The following TBC1D19 variants were observed in gnomAD, a reference collection of about 807,000 sequenced individuals.
TBC1D19 encodes TBC1 domain family member 19.
TBC1D19 carries 60 observed loss-of-function variants against 89.0 expected under a neutral mutation model. That is an observed-to-expected ratio of 0.67 (90% CI 0.55 to 0.84). The LOEUF (loss-of-function observed/expected upper bound fraction) is 0.84. Among genes scored for constraint, TBC1D19 ranks in the 40% least tolerant of loss-of-function variants. TBC1D19 has a pLI of 0.00. For missense variants in TBC1D19, 500 were observed against 610.8 expected (o/e 0.82, Z 1.91); for synonymous variants, 189 against 199.7 (o/e 0.95, Z 0.45).
the TBC1D19 span, among the ~76,000 whole-genome samples, chr4:26,810,464 T>C: frequency 1.3e-5 from 2 of 152,212 alleles, no homozygotes; most frequent in Non-Finnish European, 2.9e-5. Context: ...AGACCCTGTA[T>C]GATCAGGCCT....
intron 6 of TBC1D19, among the ~76,000 whole-genome samples, chr4:26,639,462 G>A (rs921897972): frequency 9.9e-5 from 15 of 152,052 alleles, no homozygotes; most frequent in Non-Finnish European, 4.4e-5. Context: ...GGTAAATATT[G>A]TGCAAGCTTA....
the TBC1D19 span, among the ~76,000 whole-genome samples, chr4:26,824,113 G>A: frequency 1.3e-5 from 2 of 152,234 alleles, no homozygotes; most frequent in Non-Finnish European, 2.9e-5. Flanking sequence ...AAGACAATTG[G>A]CTGGATTTGC....
chr4:26,708,562 C>G (rs1715907419), intron 13 of TBC1D19, among the ~76,000 whole-genome samples: 1 of 151,844 alleles, frequency 6.6e-6, no homozygotes, highest in African/African-American at 2.4e-5. Flanking sequence ...TTCTCTCTAC[C>G]CCTTCCTCAA....
the TBC1D19 span, among the ~76,000 whole-genome samples, chr4:26,854,730 T>TTTC: frequency 1.9e-4 from 4 of 21,196 alleles, no homozygotes; most frequent in East Asian, 5.4e-3. Context: ...TCCAGCCTTT[T>TTTC]TTTTTTTTTT....
intron 4 of TBC1D19, among the ~76,000 whole-genome samples, chr4:26,627,723 T>C (rs1742520439): frequency 6.6e-6 from 1 of 152,318 alleles, no homozygotes; most frequent in Non-Finnish European, 1.5e-5. Flanking sequence ...CTTCGCCCAC[T>C]TTTTGATGGG....
the TBC1D19 span, among the ~76,000 whole-genome samples, chr4:26,823,345 A>C: frequency 6.6e-6 from 1 of 152,202 alleles, no homozygotes; most frequent in African/African-American, 2.4e-5. Context: ...GATGCAGCCA[A>C]AACATATCTC....
intron 1 of TBC1D19, among the ~76,000 whole-genome samples, chr4:26,595,051 C>T (rs1740119316): frequency 6.6e-6 from 1 of 152,210 alleles, no homozygotes; most frequent in South Asian, 2.1e-4. Flanking sequence ...ATTTTGCATT[C>T]CCACCAGCAA....
chr4:26,821,768 C>T, the TBC1D19 span, among the ~76,000 whole-genome samples: 1 of 152,232 alleles, frequency 6.6e-6, no homozygotes, highest in African/African-American at 2.4e-5. Context: ...CTGGAAGTCC[C>T]TGTCCCTGTC....
chr4:26,640,449 C>G (rs367969177), intron 7 of TBC1D19, among the ~76,000 whole-genome samples: 40 of 152,230 alleles, frequency 2.6e-4, no homozygotes, highest in African/African-American at 9.6e-4. Context: ...CCAAGATGGC[C>G]GAATACGAAC....
At chr4:26,819,626 A>G in the TBC1D19 span, among the ~76,000 whole-genome samples, 2 of 152,190 alleles carry the variant, frequency 1.3e-5, no homozygotes, top group East Asian at 1.9e-4. Flanking sequence ...TCTGTGCTCA[A>G]CATTGTGACC....
At chr4:26,589,260 G>A (rs571441828) in intron 1 of TBC1D19, among the ~76,000 whole-genome samples, 22 of 152,164 alleles carry the variant, frequency 1.4e-4, no homozygotes, top group Non-Finnish European at 2.5e-4. Flanking sequence ...AGGGGACAGA[G>A]CGAGACTCCA....
At chr4:26,587,833 C>T (rs1198829644) in intron 1 of TBC1D19, among the ~76,000 whole-genome samples, 1 of 151,530 alleles carries the variant, frequency 6.6e-6, no homozygotes, top group Admixed American at 6.6e-5. Flanking sequence ...TATATGCAGG[C>T]CATTCAGGTT....
chr4:26,741,094 C>T (rs760085438), intron 17 of TBC1D19, among the ~76,000 whole-genome samples: 88 of 152,138 alleles, frequency 5.8e-4, no homozygotes, highest in Non-Finnish European at 1.0e-3. Flanking sequence ...TGGTGGCTCA[C>T]GCCTGTAATC....
intron 7 of TBC1D19, among the ~76,000 whole-genome samples, chr4:26,643,244 A>T (rs1374647013): frequency 1.3e-5 from 2 of 152,228 alleles, no homozygotes; most frequent in African/African-American, 4.8e-5. Flanking sequence ...ACCACAGTGC[A>T]ATCAAATTAG....
At chr4:26,785,695 CTG>C in the TBC1D19 span, among the ~76,000 whole-genome samples, 1 of 151,074 alleles carries the variant, frequency 6.6e-6, no homozygotes, top group Non-Finnish European at 1.5e-5. Context: ...CAGACGTACA[CTG>C]TGTGTGTGTG....
chr4:26,824,058 G>A, the TBC1D19 span, among the ~76,000 whole-genome samples: 1 of 152,170 alleles, frequency 6.6e-6, no homozygotes, highest in Non-Finnish European at 1.5e-5. Context: ...TCCCAAGATG[G>A]CCAGTATAAA....
chr4:26,759,614 C>T (rs1015112342), downstream of TBC1D19, among the ~76,000 whole-genome samples: 1 of 152,096 alleles, frequency 6.6e-6, no homozygotes, highest in African/African-American at 2.4e-5. Context: ...TGTGCCCCTC[C>T]CCATCCAATC....
chr4:26,774,109 C>T, the TBC1D19 span, among the ~76,000 whole-genome samples: 4 of 152,170 alleles, frequency 2.6e-5, no homozygotes, highest in African/African-American at 9.7e-5. Flanking sequence ...ACACCAGGAG[C>T]CTTTTGGGGG....
Position 26,584,303 on chromosome 4 carries a change from C to T in TBC1D19, c.99+11C>T. On this transcript the variant is annotated intron_variant, in intron 1 of 20. Transcript: ENST00000264866. Reference sequence around the variant, plus strand: ...GAACGGCAGGCCTGGGTAAGTGAGGCCGAGTGGGAAGGGATGCAGACGGGC... The same window carrying T: ...GAACGGCAGGCCTGGGTAAGTGAGGTCGAGTGGGAAGGGATGCAGACGGGC... 6.2e-7 allele frequency: 1 copy of T among 1,602,932 alleles called. No individual in the cohort carries two copies. The highest frequency in any genetic ancestry group is 8.5e-7 in the Non-Finnish European group (1 of 1,175,286).
Sources: gnomAD v4.1 joint callset for allele counts (sites outside exome capture counted in the v4.1 genomes callset) on GRCh38, gnomAD v4.1.1 for gene constraint, MANE v1.5 for transcripts, NCBI Gene and HGNC (gene_info 2026-07-23, HGNC 2026-07-21) for gene names.